Variants in EIF2AK3 observed in about 807,000 individuals in gnomAD.
The protein encoded by EIF2AK3 is eukaryotic translation initiation factor 2-alpha kinase 3.
A neutral mutation model predicts 113.5 loss-of-function variants in EIF2AK3; 50 were observed. That is an observed-to-expected ratio of 0.44 (90% CI 0.35 to 0.56). The LOEUF is 0.56. Among genes scored for constraint, EIF2AK3 ranks in the 20% least tolerant of loss-of-function variants. The pLI is 0.00. For missense variants in EIF2AK3, 1,185 were observed against 1,378.0 expected (o/e 0.86, Z 2.22); for synonymous variants, 448 against 495.4 (o/e 0.90, Z 1.27).
Position 88,593,311 on chromosome 2 carries a change from T to G in EIF2AK3, c.728A>C (p.Lys243Thr). Residue 243 changes from lysine to threonine, a missense_variant, in exon 4 of 17, where the codon AAA (lysine) becomes ACA (threonine). Coordinates refer to ENST00000303236, the MANE Select transcript of EIF2AK3 (RefSeq NM_004836.7). ...GCGAGGTCCGACAGCTCTAACAGTT[T>G]TTTGGGTACGCTGTAGAAGCAGGAT... ...EDILLLQRTQ[K>T]TVRAVGPRSG... is the part of the protein sequence containing the mutation. 5 of 1,614,060 alleles carry G rather than the reference T, an allele frequency of 3.1e-6. No homozygotes were observed. Among genetic ancestry groups the G allele is most frequent in the Non-Finnish European group, 4.2e-6 (5 of 1,179,990 alleles).
rs1486292437 is a variant in EIF2AK3, at chr2:88,583,628, T to C, written c.1651-86A>G. 13 of 904,854 alleles carry C rather than the reference T, an allele frequency of 1.4e-5. No homozygotes were observed. In the Admixed American group the frequency reaches 2.2e-4, roughly 15 times the overall value. The allele number at this position is 904,854 out of a possible 1,614,324, so 56.1% of individuals were successfully genotyped here. ...TTTTAGGTTATAAAATAAACAACAC[T>C]GAAAAATACATAAGTAGCATCAAGA... is the stretch of plus-strand genomic sequence containing the variant. On this transcript the variant is annotated intron_variant, in intron 9 of 16. Transcript: ENST00000303236.
intron 14 of EIF2AK3, among the ~76,000 whole-genome samples, chr2:88,564,548 C>T (rs886337982): frequency 6.6e-6 from 1 of 151,832 alleles, no homozygotes; most frequent in African/African-American, 2.4e-5. Context: ...CAACCCATTT[C>T]CAAGACACAC....
Position 88,562,336 on chromosome 2 carries a change from G to A in EIF2AK3, c.3040C>T (p.Leu1014=), listed in dbSNP as rs1376437810. The change falls in exon 15 of 17, where the codon CTA becomes TTA. Residue 1014 remains leucine (L), a synonymous_variant. Coordinates refer to ENST00000303236, the MANE Select transcript of EIF2AK3 (RefSeq NM_004836.7). ...KVDIFSLGLI[L]FELLYPFSTQ... Reference sequence around the variant, plus strand: ...CTGAATGGATACAGCAATTCAAATAGAATCAGGCCTAAAGAAAAGATGTCC... The same window carrying A: ...CTGAATGGATACAGCAATTCAAATAAAATCAGGCCTAAAGAAAAGATGTCC... The A allele has an allele frequency of 6.2e-7, 1 of 1,614,022 alleles. No homozygotes were observed. Among genetic ancestry groups the A allele is most frequent in the East Asian group, 2.2e-5 (1 of 44,850 alleles).
intron 9 of EIF2AK3, 87 bp from the exon 10 acceptor site, chr2:88,583,629 G>GA (rs1166560533): frequency 2.2e-6 from 2 of 897,236 alleles, no homozygotes; most frequent in African/African-American, 1.7e-5. Flanking sequence ...AAACAACACT[G>GA]AAAAATACAT....
intron 10 of EIF2AK3, 47 bp from the exon 11 acceptor site, chr2:88,579,687 T>G (rs1359722090): frequency 1.3e-6 from 2 of 1,579,754 alleles, no homozygotes; most frequent in East Asian, 2.3e-5. Context: ...AGTTTTAAAT[T>G]TTGTGGTAAT....
chr2:88,577,761 A>G (rs1435917942), intron 11 of EIF2AK3, among the ~76,000 whole-genome samples: 1 of 151,886 alleles, frequency 6.6e-6, no homozygotes, highest in Non-Finnish European at 1.5e-5. Flanking sequence ...ACCATTCTCC[A>G]TACCACCTCC....
Position 88,611,743 on chromosome 2 carries a change from G to C in EIF2AK3, c.438+1981C>G, listed in dbSNP as rs568127352. The stretch of plus-strand genomic sequence containing the variant: ...CCTCCCAGGTTCAAGTGATTTTCCT[G>C]CCTCAGCCTCCCAAGTAGCTAGGAT... On this transcript the variant is annotated intron_variant, in intron 2 of 16. Coordinates refer to ENST00000303236, the MANE Select transcript of EIF2AK3 (RefSeq NM_004836.7). Among the ~76,000 whole-genome samples, 11 of 152,134 alleles carry C rather than the reference G, an allele frequency of 7.2e-5. No individual in the cohort carries two copies. The South Asian group carries it at 2.1e-3, about 29-fold the overall frequency.
At chr2:88,562,186 A>C (rs1247155817) in intron 15 of EIF2AK3, 103 bp downstream of exon 15, 1 of 876,006 alleles carries the variant, frequency 1.1e-6, no homozygotes, top group African/African-American at 1.7e-5. Context: ...TTAGTTAACC[A>C]ATCTGCTGGT....
chr2:88,585,655 C>G (rs536684550), intron 9 of EIF2AK3, among the ~76,000 whole-genome samples, 186 bp downstream of exon 9: 4 of 152,104 alleles, frequency 2.6e-5, no homozygotes, highest in Non-Finnish European at 4.4e-5. Context: ...GTGTCAAATA[C>G]AAAGAGGTTC....
intron 14 of EIF2AK3, among the ~76,000 whole-genome samples, chr2:88,562,877 G>C (rs1313394536): frequency 2.0e-5 from 3 of 152,068 alleles, no homozygotes; most frequent in African/African-American, 7.2e-5. Context: ...TTGCATTCTT[G>C]GTTGTATTTT....
chr2:88,589,584 A>G (rs1204099863), intron 6 of EIF2AK3, among the ~76,000 whole-genome samples: 1 of 151,478 alleles, frequency 6.6e-6, no homozygotes, highest in Non-Finnish European at 1.5e-5. Context: ...ACAAATACAG[A>G]AAATTATAGA....
At chr2:88,609,104 T>G (rs774514393) in intron 2 of EIF2AK3, among the ~76,000 whole-genome samples, 9 of 152,184 alleles carry the variant, frequency 5.9e-5, no homozygotes, top group Middle Eastern at 3.4e-3. Flanking sequence ...AATGTTCAAC[T>G]TTTGAACATA....
intron 2 of EIF2AK3, among the ~76,000 whole-genome samples, chr2:88,601,783 T>C (rs1483010801): frequency 6.6e-6 from 1 of 151,216 alleles, no homozygotes; most frequent in Non-Finnish European, 1.5e-5. Context: ...AGAACTAGAA[T>C]AGCAATTTCT....
chr2:88,581,981 C>T (rs933251081), intron 10 of EIF2AK3, among the ~76,000 whole-genome samples: 1 of 152,118 alleles, frequency 6.6e-6, no homozygotes, highest in South Asian at 2.1e-4. Flanking sequence ...CATGGTTTCT[C>T]CCATAGCCAG....
At chr2:88,558,860 A>C (rs1272982092) in intron 16 of EIF2AK3, 57 bp downstream of exon 16, 17 of 1,383,836 alleles carry the variant, frequency 1.2e-5, no homozygotes, top group Non-Finnish European at 1.4e-5. Context: ...ACTGCTAAGG[A>C]CCGCTTACGT....
rs754342086 is a variant in EIF2AK3 at position 88,576,613 on chromosome 2, G to A, written c.1977C>T (p.Leu659=). Residue 659 remains leucine (L), a synonymous_variant, in exon 12 of 17, where the codon CTC becomes CTT. Transcript: ENST00000303236. ...PGIVRYFNAW[L]EAPPEKWQEK... The stretch of plus-strand genomic sequence containing the variant: ...CTTGCCACTTCTCTGGTGGTGCTTC[G>A]AGCCAGGCATTGAAATATCTAACAA... The A allele has an allele frequency of 1.5e-5, 25 of 1,613,876 alleles. No individual in the cohort carries two copies. Among genetic ancestry groups the A allele is most frequent in the Middle Eastern group, 3.3e-4 (2 of 6,084 alleles).
chr2:88,576,838 A>T, intron 11 of EIF2AK3, 135 bp from the exon 12 acceptor site: 1 of 971,786 alleles, frequency 1.0e-6, no homozygotes, highest in East Asian at 2.6e-5. Context: ...AAAGAAATAA[A>T]ATTAGCCTGA....
chr2:88,570,434 C>A (rs890601461), intron 14 of EIF2AK3, among the ~76,000 whole-genome samples: 8 of 152,226 alleles, frequency 5.3e-5, no homozygotes, highest in African/African-American at 1.9e-4. Context: ...GCAACACCTG[C>A]CGGCCTGTGT....
intron 4 of EIF2AK3, 40 bp downstream of exon 4, chr2:88,593,232 T>C (rs1674928862): frequency 6.2e-7 from 1 of 1,613,252 alleles, no homozygotes; most frequent in Non-Finnish European, 8.5e-7. Flanking sequence ...TTAGGTGTAT[T>C]TCTAAATAAT....
Sources: gnomAD v4.1 joint callset for allele counts (sites outside exome capture counted in the v4.1 genomes callset) on GRCh38, gnomAD v4.1.1 for gene constraint, MANE v1.5 for transcripts, NCBI Gene and HGNC (gene_info 2026-07-23, HGNC 2026-07-21) for gene names.